Variants in DHRS7 observed in about 807,000 individuals in gnomAD.
DHRS7 encodes the protein dehydrogenase/reductase 7, also known as dehydrogenase/reductase SDR family member 7.
In DHRS7, 34 loss-of-function variants were observed where a neutral mutation model predicts 38.9. That is an observed-to-expected ratio of 0.87 (90% CI 0.66 to 1.16). The LOEUF is 1.16. Ranked by LOEUF, DHRS7 falls within the 50% of genes most tolerant of loss-of-function variation. The pLI, the probability that DHRS7 is intolerant of heterozygous loss-of-function variation, is 0.00. For missense variants in DHRS7, 421 were observed against 407.0 expected, an observed-to-expected ratio of 1.03 and a Z score of -0.30; for synonymous variants, 158 against 153.1, an observed-to-expected ratio of 1.03 and a Z score of -0.24.
Position 60,156,139 on chromosome 14 carries a change from A to C in DHRS7, c.147T>G (p.Thr49=), listed in dbSNP as rs1425866922. 2.5e-6 allele frequency: 4 copies of C among 1,588,332 alleles called. No individual in the cohort carries two copies. The highest frequency in any genetic ancestry group is 1.4e-5 in the African/African-American group (1 of 73,428). The change falls in exon 2 of 7, where the codon ACT becomes ACG. Residue 49 remains threonine, a synonymous_variant. Transcript: ENST00000557185. Reference sequence around the variant, plus strand: ...CTCCAGTCACCCACACCACCATATCAGTCAGCTCCCATTCTATGGAAGGAA... The same window carrying C: ...CTCCAGTCACCCACACCACCATATCCGTCAGCTCCCATTCTATGGAAGGAA... The part of the protein sequence containing the change: ...WQGRRPEWEL[T]DMVVWVTGAS...
intron 1 of DHRS7, among the ~76,000 whole-genome samples, chr14:60,160,895 T>C (rs749942289): frequency 1.5e-4 from 23 of 152,208 alleles, no homozygotes; most frequent in Non-Finnish European, 3.1e-4. Flanking sequence ...CTGGCCAACT[T>C]TGACTAATCT....
chr14:60,154,602 T>TAGAAA (rs1896619754), intron 2 of DHRS7, among the ~76,000 whole-genome samples: 1 of 152,220 alleles, frequency 6.6e-6, no homozygotes, highest in East Asian at 1.9e-4. Flanking sequence ...ATTGGCTTTC[T>TAGAAA]GTTCATCAAA....
In DHRS7 at chr14:60,165,330, T is replaced by A; in HGVS notation, c.-21A>T. 6.4e-7 allele frequency: 1 copy of A among 1,563,554 alleles called. No individual in the cohort carries two copies. The highest frequency in any genetic ancestry group is 8.6e-7 in the Non-Finnish European group (1 of 1,158,944). On this transcript the variant is annotated 5_prime_UTR_variant, in exon 1 of 7. Coordinates refer to ENST00000557185, the MANE Select transcript of DHRS7 (RefSeq NM_016029.4). The surrounding 1 kb of genome is among the most constrained non-coding windows in gnomAD (Gnocchi z 4.6). ...TTCATTGCGGCCGCGCACGCCCAGCTCGGGGGGAAGAAGACGGCCCGCACC... is the reference window on the plus strand; with the variant it reads ...TTCATTGCGGCCGCGCACGCCCAGCACGGGGGGAAGAAGACGGCCCGCACC...
chr14:60,165,337 G>T lies in DHRS7; in HGVS notation c.-28C>A. The T allele has an allele frequency of 6.4e-7, 1 of 1,555,998 alleles. No individual in the cohort carries two copies. The highest frequency in any genetic ancestry group is 8.7e-7 in the Non-Finnish European group (1 of 1,155,544). The stretch of plus-strand genomic sequence containing the variant: ...CGGCCGCGCACGCCCAGCTCGGGGG[G>T]AAGAAGACGGCCCGCACCAGAGTCG... On this transcript the variant is annotated 5_prime_UTR_variant, in exon 1 of 7. Transcript: ENST00000557185. The surrounding 1 kb of genome is among the most constrained non-coding windows in gnomAD (Gnocchi z 4.6).
chr14:60,145,538 G>C lies in DHRS7; in HGVS notation c.973-525C>G, dbSNP rs1409440673. On this transcript the variant is annotated intron_variant, in intron 6 of 6. Transcript: ENST00000557185. This position sits in a 1 kb window ranked among gnomAD's most constrained non-coding sequence, Gnocchi z 4.0. Reference sequence around the variant, plus strand: ...AAAATACAAAAATTAGCTGGGTGTGGTGGTGTGCACCTGTAATCCCAGCTA... The same window carrying C: ...AAAATACAAAAATTAGCTGGGTGTGCTGGTGTGCACCTGTAATCCCAGCTA... 1.3e-5 allele frequency: 2 copies of C among 152,296 alleles called. No homozygotes were observed. The highest frequency in any genetic ancestry group is 2.4e-5 in the African/African-American group (1 of 41,406). 9.4% of individuals were successfully genotyped at this position (152,296 alleles called of 1,614,324 possible).
chr14:60,153,354 T>C lies in DHRS7; in HGVS notation c.394-176A>G, dbSNP rs1273800050. Among the ~76,000 whole-genome samples the C allele has an allele frequency of 6.6e-6, 1 of 152,176 alleles. No homozygotes were observed. Among genetic ancestry groups the C allele is most frequent in the Non-Finnish European group, 1.5e-5 (1 of 68,030 alleles). Reference sequence around the variant, plus strand: ...AAAGCCCTGAATTTACCTGTGGAATTAAATTCCCGTTTTAGGTGACTTTTT... The same window carrying C: ...AAAGCCCTGAATTTACCTGTGGAATCAAATTCCCGTTTTAGGTGACTTTTT... On this transcript the variant is annotated intron_variant, in intron 3 of 6. Coordinates refer to ENST00000557185, the MANE Select transcript of DHRS7 (RefSeq NM_016029.4). The surrounding 1 kb of genome is among the most constrained non-coding windows in gnomAD (Gnocchi z 4.4).
In DHRS7 at chr14:60,144,988, AT is replaced by A. The variant is rs754411560; in HGVS notation, c.997del (p.Ile333SerfsTer45). ...TTTTCAGTCATGTTTTGTCTTAAAG[AT>A]TTTAAAATAAGAAGAGTCTGCATCC... ...GVDADSSYFK[I>X]FKTKHD is the part of the protein sequence containing the mutation. On this transcript the variant is annotated frameshift_variant, in exon 7 of 7. Coordinates refer to ENST00000557185, the MANE Select transcript of DHRS7 (RefSeq NM_016029.4). LOFTEE classifies it high-confidence loss of function. 1 of 1,602,576 alleles carries A rather than the reference AT, an allele frequency of 6.2e-7. No homozygotes were observed.
chr14:60,156,469 A>T (rs1896663207), intron 1 of DHRS7, among the ~76,000 whole-genome samples: 1 of 152,232 alleles, frequency 6.6e-6, no homozygotes, highest in African/African-American at 2.4e-5. Context: ...TATTTAACAC[A>T]AACAGGTAAG....
chr14:60,168,964 G>T, upstream of DHRS7: 2 of 501,802 alleles, frequency 4.0e-6, no homozygotes, highest in South Asian at 3.0e-5. Flanking sequence ...AGATGTGACA[G>T]ATGATATGTT....
chr14:60,166,329 C>T (rs1218763363), upstream of DHRS7: 9 of 955,010 alleles, frequency 9.4e-6, no homozygotes, highest in Non-Finnish European at 1.1e-5. Context: ...TGTATGAGAA[C>T]GACCTGTGGC....
rs1055231469 is a variant in DHRS7 at position 60,153,831 on chromosome 14, A to G, written c.393+128T>C. 1.5e-6 allele frequency: 1 copy of G among 685,532 alleles called. No individual in the cohort carries two copies. Among genetic ancestry groups the G allele is most frequent in the South Asian group, 1.8e-5 (1 of 55,880 alleles). 42.5% of individuals were successfully genotyped at this position (685,532 alleles called of 1,614,324 possible). Reference sequence around the variant, plus strand: ...AAAGGCTCAGAGATTAAGGGGCCCAACTCATGGGCCCGATCTCACTGCATG... The same window carrying G: ...AAAGGCTCAGAGATTAAGGGGCCCAGCTCATGGGCCCGATCTCACTGCATG... On this transcript the variant is annotated intron_variant, in intron 3 of 6. Transcript: ENST00000557185. The surrounding 1 kb of genome is among the most constrained non-coding windows in gnomAD (Gnocchi z 4.4).
chr14:60,163,902 C>A (rs564143499), intron 1 of DHRS7, among the ~76,000 whole-genome samples: 1 of 152,190 alleles, frequency 6.6e-6, no homozygotes, highest in Admixed American at 6.5e-5. Context: ...CACACATATT[C>A]CCCCGCTGAG....
chr14:60,157,647 T>C (rs1566534571), intron 1 of DHRS7, among the ~76,000 whole-genome samples: 1 of 152,210 alleles, frequency 6.6e-6, no homozygotes, highest in Non-Finnish European at 1.5e-5. Flanking sequence ...TTTGTCCCAC[T>C]AGACCATAGA....
chr14:60,151,116 T>C (rs1896535857), intron 4 of DHRS7, among the ~76,000 whole-genome samples: 1 of 152,186 alleles, frequency 6.6e-6, no homozygotes, highest in African/African-American at 2.4e-5. Flanking sequence ...TGAATTCAAC[T>C]TTTTCCATTT....
At chr14:60,167,591 C>T (rs1896883829), upstream of DHRS7, among the ~76,000 whole-genome samples, 1 of 152,138 alleles carries the variant, frequency 6.6e-6, no homozygotes, top group African/African-American at 2.4e-5. Flanking sequence ...AAGCAATTGC[C>T]ATCTTCCATA....
At chr14:60,159,291 G>T in intron 1 of DHRS7, 1 of 428,416 alleles carries the variant, frequency 2.3e-6, no homozygotes, top group Non-Finnish European at 4.3e-6. Flanking sequence ...AGCTTCTAGT[G>T]TTTTTCAAAC....
rs537077722 is a variant in DHRS7 at position 60,162,382 on chromosome 14, A to G, written c.133+2795T>C. ...AGCAAGACCTTGTCTCTCTATTAAA[A>G]AAAAAAAAAAATCACCATGTGAGAT... is the stretch of plus-strand genomic sequence containing the variant. On this transcript the variant is annotated intron_variant, in intron 1 of 6. Transcript: ENST00000557185. The surrounding 1 kb of genome is among the most constrained non-coding windows in gnomAD (Gnocchi z 4.5). 4.2e-4 allele frequency among the ~76,000 whole-genome samples: 64 copies of G among 152,076 alleles called. 1 individual carries two copies. Among genetic ancestry groups the G allele is most frequent in the African/African-American group, 1.4e-3 (58 of 41,472 alleles).
In DHRS7 at chr14:60,153,053, A is replaced by G; in HGVS notation, c.519T>C (p.Val173=). Residue 173 remains valine, a synonymous_variant, in exon 4 of 7, where the codon GTT becomes GTC. Transcript: ENST00000557185. This position sits in a 1 kb window ranked among gnomAD's most constrained non-coding sequence, Gnocchi z 4.4. ...YLGTVSLTKC[V]LPHMIERKQG... is the part of the protein sequence containing the mutation. ...GCTTCCTCTCGATCATGTGAGGCAGAACACATTTTGTCAAGGACACCGTCC... is the reference window on the plus strand; with the variant it reads ...GCTTCCTCTCGATCATGTGAGGCAGGACACATTTTGTCAAGGACACCGTCC... 2 of 1,614,248 alleles carry G rather than the reference A, an allele frequency of 1.2e-6. No individual in the cohort carries two copies. Among genetic ancestry groups the G allele is most frequent in the Non-Finnish European group, 1.7e-6 (2 of 1,180,048 alleles).
chr14:60,163,209 T>TAATAAGCATGTGACTA (rs1566536879), intron 1 of DHRS7, among the ~76,000 whole-genome samples: 7 of 151,588 alleles, frequency 4.6e-5, no homozygotes, highest in Non-Finnish European at 4.4e-5. Context: ...ACTCCTTAGT[T>TAATAAGCATGTGACTA]AATAAGCATA....
Sources: gnomAD v4.1 joint callset for allele counts (sites outside exome capture counted in the v4.1 genomes callset) on GRCh38, gnomAD v4.1.1 for gene constraint, Gnocchi (gnomAD v3.1) non-coding constraint, MANE v1.5 for transcripts, NCBI Gene and HGNC (gene_info 2026-07-23, HGNC 2026-07-21) for gene names.